TRAPPC12: variants seen among roughly 807,000 people sequenced by gnomAD.
TRAPPC12 encodes the protein TPR repeat protein 15.
A neutral mutation model predicts 69.2 loss-of-function variants in TRAPPC12; 61 were observed. The observed-to-expected ratio is 0.88, with a 90% confidence interval of 0.72 to 1.09. The LOEUF (loss-of-function observed/expected upper bound fraction) is 1.09, where lower values mean the gene tolerates loss of function less well. Ranked by LOEUF, TRAPPC12 falls within the 50% of genes least tolerant of loss-of-function variation. The probability of loss-of-function intolerance (pLI) is 0.00; values close to 1 mark genes in which losing one functional copy is unlikely to be tolerated. For synonymous variants in TRAPPC12, 469 were observed against 438.9 expected (o/e 1.07, Z -0.86); for missense variants, 1,101 against 1,016.4 (o/e 1.08, Z -1.13).
rs577438983 is a variant in TRAPPC12 at position 3,446,857 on chromosome 2, C to T, written c.1530+2966C>T. ...GTTTGGTAGACGATGCTTGTTTCACCTGTTCCTTTTAGGTTTGCAGCCATC... is the reference window on the plus strand; with the variant it reads ...GTTTGGTAGACGATGCTTGTTTCACTTGTTCCTTTTAGGTTTGCAGCCATC... On this transcript the variant is annotated intron_variant, in intron 6 of 11. Transcript: ENST00000324266. Among the ~76,000 whole-genome samples the T allele has an allele frequency of 8.5e-5, 13 of 152,320 alleles. 1 individual carries two copies. Among genetic ancestry groups the T allele is most frequent in the African/African-American group, 3.1e-4 (13 of 41,572 alleles).
intron 9 of TRAPPC12, among the ~76,000 whole-genome samples, chr2:3,470,556 A>G (rs918823237): frequency 1.3e-5 from 2 of 152,224 alleles, no homozygotes; most frequent in Non-Finnish European, 1.5e-5. Flanking sequence ...AATCAGTAAC[A>G]CAGAGCAACC....
chr2:3,453,431 C>T (rs1664959704), intron 6 of TRAPPC12, among the ~76,000 whole-genome samples: 1 of 152,252 alleles, frequency 6.6e-6, no homozygotes, highest in South Asian at 2.1e-4. Flanking sequence ...CCTTCTGCCC[C>T]TGTGGCTGGT....
chr2:3,444,734 T>A (rs1208865572), intron 6 of TRAPPC12, among the ~76,000 whole-genome samples: 2 of 152,236 alleles, frequency 1.3e-5, no homozygotes, highest in African/African-American at 4.8e-5. Context: ...TCCAAGATGA[T>A]GGTGTTAACA....
chr2:3,478,791 G>A (rs1335406485), intron 10 of TRAPPC12, 55 bp from the exon 11 acceptor site: 4 of 1,516,758 alleles, frequency 2.6e-6, no homozygotes, highest in Admixed American at 1.7e-5. Flanking sequence ...GTTGTGTTGG[G>A]GGACAGCAGC....
At chr2:3,427,919 A>G (rs932226602) in intron 5 of TRAPPC12, among the ~76,000 whole-genome samples, 1 of 151,708 alleles carries the variant, frequency 6.6e-6, no homozygotes, top group Non-Finnish European at 1.5e-5. Context: ...TCCAGCTCCC[A>G]TTGGTCTCTA....
intron 3 of TRAPPC12, among the ~76,000 whole-genome samples, chr2:3,421,331 C>T (rs1185049976): frequency 6.6e-6 from 1 of 152,236 alleles, no homozygotes; most frequent in African/African-American, 2.4e-5. Context: ...TGAAAGTATA[C>T]TGTGCATTGC....
chr2:3,388,549 C>T lies in TRAPPC12; in HGVS notation c.926C>T (p.Ala309Val), dbSNP rs773274814. The T allele has an allele frequency of 6.8e-6, 11 of 1,612,982 alleles. No individual in the cohort carries two copies. The Admixed American group carries it at 1.8e-4, about 27-fold the overall frequency. Residue 309 changes from alanine to valine, a missense_variant, in exon 2 of 12, where the codon GCC (alanine) becomes GTC (valine). Ala to Val is a moderately conservative substitution (Grantham distance 64). Coordinates refer to ENST00000324266, the MANE Select transcript of TRAPPC12 (RefSeq NM_016030.6). The stretch of plus-strand genomic sequence containing the variant: ...AGCGAGATGGACCGGAGGAACGACG[C>T]CTGGCTTCCCGGCGAGGCTACGCGT... Reference protein sequence around the residue: ...SMSEMDRRNDAWLPGEATRGV... With the variant: ...SMSEMDRRNDVWLPGEATRGV...
chr2:3,392,560 AT>A (rs1478087878), intron 2 of TRAPPC12, among the ~76,000 whole-genome samples: 18 of 152,326 alleles, frequency 1.2e-4, no homozygotes, highest in Admixed American at 1.0e-3. Flanking sequence ...AAAATGACTA[AT>A]TGTATTTCTC....
At chr2:3,430,477 T>C (rs1311613765) in intron 5 of TRAPPC12, among the ~76,000 whole-genome samples, 1 of 152,246 alleles carries the variant, frequency 6.6e-6, no homozygotes, top group East Asian at 1.9e-4. Flanking sequence ...GTCTCCTCTT[T>C]GGTGACTCAC....
At chr2:3,459,178 C>T (rs896495144) in intron 7 of TRAPPC12, among the ~76,000 whole-genome samples, 7 of 152,232 alleles carry the variant, frequency 4.6e-5, no homozygotes, top group African/African-American at 1.7e-4. Context: ...GGACACACGG[C>T]TCCCAGTGCC....
chr2:3,459,282 G>A lies in TRAPPC12; in HGVS notation c.1604-981G>A, dbSNP rs118134463. The stretch of plus-strand genomic sequence containing the variant: ...CAGTTGGAAGTGTGGACTTTTCTTC[G>A]AGGAAGTAGACACAGCACAGGCGCA... On this transcript the variant is annotated intron_variant, in intron 7 of 11. Coordinates refer to ENST00000324266, the MANE Select transcript of TRAPPC12 (RefSeq NM_016030.6). Among the ~76,000 whole-genome samples, 61 of 152,334 alleles carry A rather than the reference G, an allele frequency of 4.0e-4. No individual in the cohort carries two copies. In the East Asian group the frequency reaches 8.3e-3, roughly 21 times the overall value.
intron 3 of TRAPPC12, among the ~76,000 whole-genome samples, chr2:3,405,162 T>C (rs1486815160): frequency 7.5e-6 from 1 of 133,770 alleles, no homozygotes; most frequent in Non-Finnish European, 1.6e-5. Flanking sequence ...AAGTCTCTCT[T>C]GAGATGTCTT....
At chr2:3,385,884 A>G (rs1042772019) in intron 1 of TRAPPC12, among the ~76,000 whole-genome samples, 2 of 152,250 alleles carry the variant, frequency 1.3e-5, no homozygotes, top group African/African-American at 4.8e-5. Flanking sequence ...GAAGGACCCG[A>G]AGGAGCAGCC....
intron 2 of TRAPPC12, among the ~76,000 whole-genome samples, chr2:3,391,979 G>T (rs1192819390): frequency 6.6e-6 from 1 of 152,120 alleles, no homozygotes; most frequent in Non-Finnish European, 1.5e-5. Context: ...TCTGAAGGTT[G>T]CCACAGGAAA....
At chr2:3,384,627 T>C (rs933592176) in intron 1 of TRAPPC12, among the ~76,000 whole-genome samples, 3 of 152,254 alleles carry the variant, frequency 2.0e-5, no homozygotes, top group Admixed American at 6.5e-5. Context: ...TGGGATTACC[T>C]GAGTTTGGTA....
At chr2:3,468,249 A>G (rs948780947) in intron 9 of TRAPPC12, among the ~76,000 whole-genome samples, 1 of 151,706 alleles carries the variant, frequency 6.6e-6, no homozygotes, top group Non-Finnish European at 1.5e-5. Flanking sequence ...GGACTTCTCT[A>G]AAGTCACCCC....
intron 3 of TRAPPC12, among the ~76,000 whole-genome samples, chr2:3,418,766 C>T (rs1306710240): frequency 6.6e-6 from 1 of 151,710 alleles, no homozygotes; most frequent in African/African-American, 2.4e-5. Flanking sequence ...GCTTTACTCA[C>T]ATCTACACGG....
intron 3 of TRAPPC12, among the ~76,000 whole-genome samples, chr2:3,402,464 C>T (rs1400276929): frequency 6.6e-6 from 1 of 152,128 alleles, no homozygotes; most frequent in Non-Finnish European, 1.5e-5. Context: ...TGGTGCGTTC[C>T]TGTAATCCCA....
chr2:3,472,443 TA>T (rs1374798012), intron 9 of TRAPPC12: 2 of 152,006 alleles, frequency 1.3e-5, no homozygotes, highest in Non-Finnish European at 2.9e-5. Context: ...GACCTTCAAA[TA>T]GAAAAAGAAG....
Sources: gnomAD v4.1 joint callset for allele counts (sites outside exome capture counted in the v4.1 genomes callset) on GRCh38, gnomAD v4.1.1 for gene constraint, MANE v1.5 for transcripts, NCBI Gene and HGNC (gene_info 2026-07-23, HGNC 2026-07-21) for gene names.